DYNLT2: variants seen among roughly 807,000 people sequenced by gnomAD.
DYNLT2 encodes dynein light chain Tctex-type protein 2.
Under a neutral mutation model 24.3 loss-of-function variants are expected in DYNLT2, and 24 were observed. The ratio of observed to expected loss-of-function variants is 0.99; its 90% CI spans 0.71 to 1.39. DYNLT2 has a LOEUF of 1.39. Ranked by LOEUF, DYNLT2 falls within the 40% of genes most tolerant of loss-of-function variation. DYNLT2 has a pLI of 0.00. For synonymous variants in DYNLT2, 85 were observed against 85.4 expected (o/e 1.00, Z 0.03); for missense variants, 246 against 234.5 (o/e 1.05, Z -0.32).
At chr6:169,738,511 C>T (rs565236310), downstream of DYNLT2, among the ~76,000 whole-genome samples, 8 of 152,138 alleles carry the variant, frequency 5.3e-5, no homozygotes, top group Non-Finnish European at 1.0e-4. Flanking sequence ...TTACTCACCA[C>T]CTCCCCTGGC....
intron 1 of DYNLT2, chr6:169,750,285 A>C (rs1240276293): frequency 1.3e-5 from 2 of 152,216 alleles, no homozygotes; most frequent in Admixed American, 1.3e-4. Context: ...CTCATTGCCA[A>C]GAAATACAGC....
At chr6:169,736,879 G>C (rs907930449), downstream of DYNLT2, among the ~76,000 whole-genome samples, 2 of 152,100 alleles carry the variant, frequency 1.3e-5, no homozygotes, top group African/African-American at 2.4e-5. Context: ...GGTTGGGGAA[G>C]TTTTCCTAGA....
At chr6:169,745,579 C>T (rs573020443) in intron 1 of DYNLT2, among the ~76,000 whole-genome samples, 97 of 152,184 alleles carry the variant, frequency 6.4e-4, no homozygotes, top group Non-Finnish European at 1.0e-3. Context: ...TTACCTTGAT[C>T]GATTTTCATA....
Position 169,743,065 on chromosome 6 carries a change from C to G in DYNLT2, c.486+15G>C. On this transcript the variant is annotated intron_variant, in intron 3 of 3. Coordinates refer to ENST00000366774, the MANE Select transcript of DYNLT2 (RefSeq NM_174910.3). ...TAGTTCTAATTGCTAGATCCTGTAT[C>G]AATGGGGTACTTACATTTATTGCTT... 6.6e-7 allele frequency: 1 copy of G among 1,514,680 alleles called. No individual in the cohort carries two copies. The highest frequency in any genetic ancestry group is 8.9e-7 in the Non-Finnish European group (1 of 1,119,716). The allele number at this position is 1,514,680 out of a possible 1,614,324, so 93.8% of individuals were successfully genotyped here.
rs143475615 is a variant in DYNLT2, at chr6:169,743,172, G to A, written c.394C>T (p.Arg132Cys). The A allele has an allele frequency of 2.1e-5, 33 of 1,571,292 alleles. No homozygotes were observed. The East Asian group carries it at 3.4e-4, about 16-fold the overall frequency. ...AATTCTTTGACTGCTAACAGTATGC[G>A]GTCTGCCAATTCAAGTGACAAGTGA... Reference protein sequence around the residue: ...FSHLSLELADRILLAVKEFGY... With the variant: ...FSHLSLELADCILLAVKEFGY... The change falls in exon 3 of 4, where the codon CGC becomes TGC. Residue 132 changes from arginine (R) to cysteine (C), a missense_variant. Physicochemically the swap from Arg to Cys is radical, Grantham distance 180. Transcript: ENST00000366774.
chr6:169,727,271 A>T, the DYNLT2 span, among the ~76,000 whole-genome samples: 1 of 152,190 alleles, frequency 6.6e-6, no homozygotes, highest in African/African-American at 2.4e-5. Flanking sequence ...GTTTTATTAT[A>T]AAAAGTAATG....
the DYNLT2 span, chr6:169,725,426 G>A: frequency 1.3e-5 from 5 of 397,786 alleles, no homozygotes; most frequent in East Asian, 7.1e-5. Context: ...CTTGCCTCAG[G>A]TCAGAGAGGT....
intron 1 of DYNLT2, chr6:169,750,161 T>A (rs1233923680): frequency 6.6e-6 from 1 of 152,216 alleles, no homozygotes; most frequent in African/African-American, 2.4e-5. Flanking sequence ...TTCAGGCTCA[T>A]TGAATTTTAA....
chr6:169,730,920 A>G, the DYNLT2 span, among the ~76,000 whole-genome samples: 2 of 152,122 alleles, frequency 1.3e-5, no homozygotes, highest in African/African-American at 2.4e-5. Flanking sequence ...TTCAAAAGTT[A>G]TGTATCTGAA....
At chr6:169,728,795 C>G in the DYNLT2 span, among the ~76,000 whole-genome samples, 14 of 152,228 alleles carry the variant, frequency 9.2e-5, no homozygotes, top group African/African-American at 3.4e-4. Context: ...CTGTTTGCCT[C>G]TTCTCATACT....
In DYNLT2 at chr6:169,740,139, T is replaced by G; in HGVS notation, c.*46A>C. 8.0e-7 allele frequency: 1 copy of G among 1,252,468 alleles called. No individual in the cohort carries two copies. 77.6% of individuals were successfully genotyped at this position (1,252,468 alleles called of 1,614,324 possible). A position where few individuals can be genotyped will look rare whatever the true frequency, so the allele number is the denominator to read the frequency against. On this transcript the variant is annotated 3_prime_UTR_variant, in exon 4 of 4. Transcript: ENST00000366774. ...TTTACAAATATGTAAATTTCATTTA[T>G]TTTTGAAAAGTTCGGAAGTAAACAA...
At chr6:169,738,832 G>A (rs966459482), downstream of DYNLT2, 1 of 152,252 alleles carries the variant, frequency 6.6e-6, no homozygotes, top group African/African-American at 2.4e-5. Flanking sequence ...AAGGCAGCAG[G>A]AGGGAGCTGG....
At position 169,751,524 on chromosome 6, in the gene DYNLT2, G is replaced by A. The variant is rs1228382937; in HGVS notation, c.-66C>T. ...CGCCGGCGGTCAAACGCCCTAGCCA[G>A]TCCCGCGAGGGCGGAAGTCTCCCAC... On this transcript the variant is annotated 5_prime_UTR_variant, in exon 1 of 4. Coordinates refer to ENST00000366774, the MANE Select transcript of DYNLT2 (RefSeq NM_174910.3). 3.0e-5 allele frequency: 48 copies of A among 1,610,510 alleles called. No homozygotes were observed. The highest frequency in any genetic ancestry group is 3.9e-5 in the Non-Finnish European group (46 of 1,178,766).
At chr6:169,746,545 C>G (rs1789803838) in intron 1 of DYNLT2, among the ~76,000 whole-genome samples, 1 of 152,180 alleles carries the variant, frequency 6.6e-6, no homozygotes, top group Admixed American at 6.5e-5. Flanking sequence ...TTACATTGCT[C>G]ATCCGTTCTT....
rs764856592 is a variant in DYNLT2, at chr6:169,740,265, A to G, written c.517T>C (p.Trp173Arg). ...IASRWIWDIA[W>R]DSWVAAKHEA... Reference sequence around the variant, plus strand: ...TGTTTAGCTGCGACCCAGCTGTCCCATGCAATGTCCCAGATCCATCTGCTG... The same window carrying G: ...TGTTTAGCTGCGACCCAGCTGTCCCGTGCAATGTCCCAGATCCATCTGCTG... Residue 173 changes from tryptophan to arginine, a missense_variant, in exon 4 of 4, where the codon TGG becomes CGG. Trp to Arg is a moderately radical substitution (Grantham distance 101). Transcript: ENST00000366774. 14 of 1,614,068 alleles carry G rather than the reference A, an allele frequency of 8.7e-6. 1 individual carries two copies. The South Asian group carries it at 1.5e-4, about 18-fold the overall frequency.
At chr6:169,731,716 G>C in the DYNLT2 span, among the ~76,000 whole-genome samples, 1 of 152,106 alleles carries the variant, frequency 6.6e-6, no homozygotes, top group Non-Finnish European at 1.5e-5. Context: ...TGAGTACCTA[G>C]GCTACAGATA....
Position 169,751,523 on chromosome 6 carries a change from A to G in DYNLT2, c.-65T>C. The G allele has an allele frequency of 6.2e-7, 1 of 1,610,612 alleles. No homozygotes were observed. Among genetic ancestry groups the G allele is most frequent in the Non-Finnish European group, 8.5e-7 (1 of 1,178,748 alleles). On this transcript the variant is annotated 5_prime_UTR_variant, in exon 1 of 4. Transcript: ENST00000366774. ...CCGCCGGCGGTCAAACGCCCTAGCC[A>G]GTCCCGCGAGGGCGGAAGTCTCCCA...
intron 1 of DYNLT2, among the ~76,000 whole-genome samples, chr6:169,746,477 A>G (rs1208634912): frequency 6.6e-6 from 1 of 152,120 alleles, no homozygotes; most frequent in Non-Finnish European, 1.5e-5. Flanking sequence ...TTCTTTTGTA[A>G]CAGTGTTTTT....
At chr6:169,733,203 A>T in the DYNLT2 span, among the ~76,000 whole-genome samples, 5 of 152,034 alleles carry the variant, frequency 3.3e-5, no homozygotes, top group Non-Finnish European at 7.4e-5. Context: ...TCAGATGGGT[A>T]GATCGCAAAA....
Sources: allele counts gnomAD v4.1 joint callset (sites outside exome capture counted in the v4.1 genomes callset), GRCh38; gene constraint gnomAD v4.1.1; transcripts MANE v1.5; gene names NCBI Gene and HGNC (gene_info 2026-07-23, HGNC 2026-07-21).